The following RAVER2 variants were observed in gnomAD, a reference collection of about 807,000 sequenced individuals.
The protein encoded by RAVER2 is ribonucleoprotein PTB-binding 2.
In RAVER2, 46 loss-of-function variants were observed where a neutral mutation model predicts 78.1. The ratio of observed to expected loss-of-function variants is 0.59; its 90% CI spans 0.46 to 0.75. The LOEUF is 0.75. Among genes scored for constraint, RAVER2 ranks in the 30% least tolerant of loss-of-function variants. The probability of loss-of-function intolerance (pLI) is 0.00; values close to 1 mark genes in which losing one functional copy is unlikely to be tolerated. For synonymous variants in RAVER2, 311 were observed against 313.3 expected, an observed-to-expected ratio of 0.99 and a Z score of 0.08; for missense variants, 793 against 837.5, an observed-to-expected ratio of 0.95 and a Z score of 0.66.
chr1:64,749,647 T>C (rs1177680342), intron 1 of RAVER2, among the ~76,000 whole-genome samples: 1 of 152,250 alleles, frequency 6.6e-6, no homozygotes, highest in Non-Finnish European at 1.5e-5. Context: ...TAGTGAATAA[T>C]ATTTATAATT....
chr1:64,811,813 T>A (rs970531256), intron 9 of RAVER2, among the ~76,000 whole-genome samples: 2 of 152,018 alleles, frequency 1.3e-5, no homozygotes, highest in African/African-American at 4.8e-5. Flanking sequence ...GTGTAGGGGG[T>A]TGGCACCCCT....
At chr1:64,817,958 G>A (rs1653793896) in intron 11 of RAVER2, among the ~76,000 whole-genome samples, 1 of 152,100 alleles carries the variant, frequency 6.6e-6, no homozygotes, top group Admixed American at 6.6e-5. Context: ...ATGGAGAAGG[G>A]ATAAATAATC....
intron 1 of RAVER2, among the ~76,000 whole-genome samples, chr1:64,750,520 A>G (rs1457623177): frequency 6.6e-6 from 1 of 152,046 alleles, no homozygotes; most frequent in Non-Finnish European, 1.5e-5. Flanking sequence ...TATGTTGCCC[A>G]GGCTGGTCAT....
chr1:64,829,870 C>T (rs186033805), intron 11 of RAVER2, among the ~76,000 whole-genome samples: 61 of 152,230 alleles, frequency 4.0e-4, no homozygotes, highest in South Asian at 2.1e-3. Context: ...TACCAGAGGA[C>T]GCAGCGTTCT....
chr1:64,804,952 T>G (rs1418437391), intron 7 of RAVER2, 39 bp from the exon 8 acceptor site: 3 of 1,587,622 alleles, frequency 1.9e-6, no homozygotes, highest in Non-Finnish European at 2.6e-6. Flanking sequence ...AGGTTATATC[T>G]TATGGCCATG....
chr1:64,814,624 ATTTAT>A, intron 10 of RAVER2, 75 bp from the exon 11 acceptor site: 1 of 760,912 alleles, frequency 1.3e-6, no homozygotes, highest in East Asian at 4.9e-5. Context: ...TAATAAAATA[ATTTAT>A]TTAAAATAAC....
chr1:64,756,208 T>C (rs1469777833), intron 1 of RAVER2, among the ~76,000 whole-genome samples: 1 of 152,194 alleles, frequency 6.6e-6, no homozygotes, highest in Non-Finnish European at 1.5e-5. Flanking sequence ...ATTTGTCCTA[T>C]TGTTGATAAA....
intron 11 of RAVER2, 122 bp downstream of exon 11, chr1:64,814,962 T>C (rs1653720045): frequency 2.4e-6 from 2 of 831,596 alleles, no homozygotes; most frequent in Admixed American, 3.5e-5. Flanking sequence ...TGCACTGATC[T>C]ATGTATTTCT....
chr1:64,803,133 A>C lies in RAVER2; in HGVS notation c.1191+72A>C, dbSNP rs1426537452. The C allele has an allele frequency of 7.1e-6, 8 of 1,124,384 alleles. No homozygotes were observed. In the Admixed American group the frequency reaches 1.1e-4, roughly 15 times the overall value. 69.7% of individuals were successfully genotyped at this position (1,124,384 alleles called of 1,614,324 possible). On this transcript the variant is annotated intron_variant, in intron 6 of 11. Transcript: ENST00000294428. ...ATATTTTGTTTGTTCTTAACACTTA[A>C]AGTTCTCAAGAAATTAAATGAGTAT...
chr1:64,785,338 A>G (rs1375628869), intron 4 of RAVER2, among the ~76,000 whole-genome samples: 5 of 146,324 alleles, frequency 3.4e-5, no homozygotes, highest in Non-Finnish European at 6.0e-5. Flanking sequence ...TTCTATCTCT[A>G]TCCTGCTGGT....
intron 4 of RAVER2, among the ~76,000 whole-genome samples, chr1:64,787,107 G>A (rs1216631969): frequency 6.6e-6 from 1 of 152,068 alleles, no homozygotes; most frequent in African/African-American, 2.4e-5. Flanking sequence ...TGTCCTTCAT[G>A]TTATGAGTAA....
chr1:64,763,917 T>TACACCCACAC (rs1652096622), intron 1 of RAVER2, among the ~76,000 whole-genome samples: 1 of 133,738 alleles, frequency 7.5e-6, no homozygotes, highest in Admixed American at 7.5e-5. Context: ...AAAACAAAAA[T>TACACCCACAC]ACACACACAC....
chr1:64,758,795 G>A (rs906894528), intron 1 of RAVER2, among the ~76,000 whole-genome samples: 2 of 151,832 alleles, frequency 1.3e-5, no homozygotes, highest in Non-Finnish European at 2.9e-5. Context: ...AGAACTATGA[G>A]AGAATAATAG....
chr1:64,826,374 C>G (rs1212565340), intron 11 of RAVER2, among the ~76,000 whole-genome samples: 2 of 152,170 alleles, frequency 1.3e-5, no homozygotes, highest in African/African-American at 4.8e-5. Flanking sequence ...AAAACTGATT[C>G]TTGGGCAAAG....
intron 11 of RAVER2, among the ~76,000 whole-genome samples, chr1:64,823,731 A>G (rs1262237355): frequency 6.6e-6 from 1 of 152,060 alleles, no homozygotes; most frequent in Non-Finnish European, 1.5e-5. Context: ...TTCCAGTTTG[A>G]CATAGTCCCA....
intron 9 of RAVER2, among the ~76,000 whole-genome samples, chr1:64,808,991 T>C (rs1192958028): frequency 6.6e-6 from 1 of 152,158 alleles, no homozygotes; most frequent in African/African-American, 2.4e-5. Context: ...GGGCAGGTTC[T>C]GGAAAATAAG....
In RAVER2 at chr1:64,745,819, G is replaced by A. The variant is rs988735314; in HGVS notation, c.249+398G>A. ...GGGGCCGAAGCTTCGGGAGCACCTTGGCAGGGGCGAGGGCTCCAACGTATA... is the reference window on the plus strand; with the variant it reads ...GGGGCCGAAGCTTCGGGAGCACCTTAGCAGGGGCGAGGGCTCCAACGTATA... On this transcript the variant is annotated intron_variant, in intron 1 of 11. Transcript: ENST00000294428. This position sits in a 1 kb window ranked among gnomAD's most constrained non-coding sequence, Gnocchi z 4.3. Among the ~76,000 whole-genome samples, 91 of 152,132 alleles carry A rather than the reference G, an allele frequency of 6.0e-4. No individual in the cohort carries two copies. The highest frequency in any genetic ancestry group is 6.0e-3 in the Admixed American group (91 of 15,278).
rs192251440 is a variant in RAVER2, at chr1:64,768,018, A to C, written c.250-638A>C. Among the ~76,000 whole-genome samples, 933 of 151,876 alleles carry C rather than the reference A, an allele frequency of 6.1e-3. 6 individuals are homozygous for C. The highest frequency in any genetic ancestry group is 0.011 in the Non-Finnish European group (725 of 67,938). ...GGGGAAATAAATGGAACTGCATGCT[A>C]TGCCTTAGTAGTTAGTTTTTTTCAT... On this transcript the variant is annotated intron_variant, in intron 1 of 11. Coordinates refer to ENST00000294428, the Ensembl canonical transcript of RAVER2.
chr1:64,771,946 T>C lies in RAVER2; in HGVS notation c.316+3224T>C, dbSNP rs142550443. ...TATGGTAGATATGAGGAAATTATTA[T>C]AGTAAAATAGGATACATTAGGGGAA... On this transcript the variant is annotated intron_variant, in intron 2 of 11. Coordinates refer to ENST00000294428, the Ensembl canonical transcript of RAVER2. Among the ~76,000 whole-genome samples, 365 of 152,242 alleles carry C rather than the reference T, an allele frequency of 2.4e-3. 4 individuals are homozygous for C. Among genetic ancestry groups the C allele is most frequent in the African/African-American group, 8.4e-3 (350 of 41,576 alleles).
Sources: gnomAD v4.1 joint callset for allele counts (sites outside exome capture counted in the v4.1 genomes callset) on GRCh38, gnomAD v4.1.1 for gene constraint, Gnocchi (gnomAD v3.1) non-coding constraint, MANE v1.5 for transcripts, NCBI Gene and HGNC (gene_info 2026-07-23, HGNC 2026-07-21) for gene names.